Variants in TXNRD1 observed in about 807,000 individuals in gnomAD.
TXNRD1 encodes thioredoxin reductase 1, cytoplasmic.
Under a neutral mutation model 80.3 loss-of-function variants are expected in TXNRD1, and 57 were observed. The observed-to-expected ratio is 0.71, with a 90% CI of 0.57 to 0.89. TXNRD1 has a LOEUF of 0.89. Ranked by LOEUF, TXNRD1 falls within the 40% of genes least tolerant of loss-of-function variation. The pLI is 0.00. For synonymous variants in TXNRD1, 291 were observed against 285.2 expected (o/e 1.02, Z -0.20); for missense variants, 730 against 803.0 (o/e 0.91, Z 1.10).
chr12:104,230,696 G>T (rs957247926), intron 1 of TXNRD1, among the ~76,000 whole-genome samples: 2 of 152,132 alleles, frequency 1.3e-5, no homozygotes, highest in Non-Finnish European at 2.9e-5. Flanking sequence ...AGTTTAATAG[G>T]CAAGAAAGAA....
rs35994527 is a variant in TXNRD1, at chr12:104,271,869, C to CAA, written c.304+13802_304+13803dup. On this transcript the variant is annotated intron_variant, in intron 3 of 16. Coordinates refer to ENST00000525566, the MANE Select transcript of TXNRD1 (RefSeq NM_001093771.3). ...TGAGCAACAGAGCGAGACTCCATCT[C>CAA]AAAAAAAAAAAAAGTAGAAGAAAGA... 6.1e-3 allele frequency among the ~76,000 whole-genome samples: 849 copies of CAA among 138,108 alleles called. 6 individuals are homozygous for CAA. Among genetic ancestry groups the CAA allele is most frequent in the African/African-American group, 0.02 (724 of 36,274 alleles). 90.6% of individuals were successfully genotyped at this position (138,108 alleles called of 152,430 possible). A position where few individuals can be genotyped will look rare whatever the true frequency, so the allele number is the denominator to read the frequency against.
intron 10 of TXNRD1, among the ~76,000 whole-genome samples, chr12:104,323,890 C>G (rs1476084310): frequency 6.6e-6 from 1 of 152,144 alleles, no homozygotes; most frequent in Non-Finnish European, 1.5e-5. Flanking sequence ...TTTTGAAAAC[C>G]TGGTGGACTA....
chr12:104,307,789 G>A (rs1351763217), intron 4 of TXNRD1, among the ~76,000 whole-genome samples: 1 of 152,146 alleles, frequency 6.6e-6, no homozygotes, highest in Non-Finnish European at 1.5e-5. Context: ...TGTTTTACTA[G>A]GAGTGGGTCT....
At chr12:104,311,229 A>C (rs1442790327) in intron 4 of TXNRD1, 61 bp from the exon 5 acceptor site, 1 of 1,485,810 alleles carries the variant, frequency 6.7e-7, no homozygotes, top group African/African-American at 1.4e-5. Context: ...TTTCTTACAA[A>C]GCTTTTTGGA....
chr12:104,343,842 G>A (rs980716142), intron 16 of TXNRD1, among the ~76,000 whole-genome samples: 13 of 148,818 alleles, frequency 8.7e-5, no homozygotes, highest in Admixed American at 4.7e-4. Context: ...AGTGGCTCAC[G>A]CCTGTAATCC....
rs547593942 is a variant in TXNRD1, at chr12:104,228,742, C to T, written c.91+12849C>T. 1.7e-3 allele frequency among the ~76,000 whole-genome samples: 252 copies of T among 151,872 alleles called. 1 individual carries two copies. Among genetic ancestry groups the T allele is most frequent in the African/African-American group, 5.5e-3 (229 of 41,454 alleles). ...ATTTTCTTTTCTTTTTTTTTTGAGA[C>T]GGAGTCTCGCTCTGTTGCCCAGGCT... is the stretch of plus-strand genomic sequence containing the variant. On this transcript the variant is annotated intron_variant, in intron 1 of 16. Coordinates refer to ENST00000525566, the MANE Select transcript of TXNRD1 (RefSeq NM_001093771.3).
intron 3 of TXNRD1, among the ~76,000 whole-genome samples, chr12:104,274,757 C>A (rs1180889020): frequency 6.6e-6 from 1 of 151,804 alleles, no homozygotes; most frequent in East Asian, 1.9e-4. Context: ...GCACTTCTTT[C>A]ATCTTAGGTT....
At chr12:104,303,536 G>A (rs1214144623) in intron 4 of TXNRD1, among the ~76,000 whole-genome samples, 1 of 152,248 alleles carries the variant, frequency 6.6e-6, no homozygotes, top group Non-Finnish European at 1.5e-5. Flanking sequence ...GATCCAGTCG[G>A]TAAACGCTTT....
chr12:104,245,939 C>G (rs1439261722), intron 1 of TXNRD1, among the ~76,000 whole-genome samples: 1 of 151,532 alleles, frequency 6.6e-6, no homozygotes, highest in Admixed American at 6.6e-5. Flanking sequence ...GAAACCCCGT[C>G]TCTACTAAAC....
At position 104,278,497 on chromosome 12, in the gene TXNRD1, C is replaced by G. The variant is rs539029001; in HGVS notation, c.305-10434C>G. 4.8e-5 allele frequency among the ~76,000 whole-genome samples: 5 copies of G among 103,982 alleles called. No homozygotes were observed. The East Asian group carries it at 1.5e-3, about 32-fold the overall frequency. 68.2% of individuals were successfully genotyped at this position (103,982 alleles called of 152,430 possible). ...TACAGGCTTGAGCCATTGCGCCCAG[C>G]CTAATTTTTTTTTTTTTTTTTTGAG... On this transcript the variant is annotated intron_variant, in intron 3 of 16. Coordinates refer to ENST00000525566, the MANE Select transcript of TXNRD1 (RefSeq NM_001093771.3).
rs1831291233 is a variant in TXNRD1, at chr12:104,348,487, G to A, written c.*66G>A. 5.8e-6 allele frequency: 9 copies of A among 1,549,650 alleles called. No individual in the cohort carries two copies. The highest frequency in any genetic ancestry group is 8.0e-6 in the Non-Finnish European group (9 of 1,123,304). Reference sequence around the variant, plus strand: ...GCTCGTTTCCGTGCCCAAATCCAAGGCGAAGTTTTCTAGAGGGTTCTTGGG... The same window carrying A: ...GCTCGTTTCCGTGCCCAAATCCAAGACGAAGTTTTCTAGAGGGTTCTTGGG... On this transcript the variant is annotated 3_prime_UTR_variant, in exon 17 of 17. Transcript: ENST00000525566.
intron 4 of TXNRD1, among the ~76,000 whole-genome samples, chr12:104,293,248 G>A (rs1015403095): frequency 2.0e-4 from 30 of 152,208 alleles, no homozygotes; most frequent in South Asian, 8.3e-4. Flanking sequence ...AATACCAAGT[G>A]TCAGACATAG....
chr12:104,243,469 G>C (rs2032918440), intron 1 of TXNRD1, among the ~76,000 whole-genome samples: 1 of 152,138 alleles, frequency 6.6e-6, no homozygotes, highest in South Asian at 2.1e-4. Flanking sequence ...ATGGGGTCTT[G>C]TCAGACCCAA....
intron 1 of TXNRD1, among the ~76,000 whole-genome samples, chr12:104,219,000 G>C (rs766029499): frequency 6.6e-6 from 1 of 152,218 alleles, no homozygotes; most frequent in Non-Finnish European, 1.5e-5. Flanking sequence ...TTAGAGTGCA[G>C]TGGCATGAAT....
intron 4 of TXNRD1, among the ~76,000 whole-genome samples, chr12:104,305,552 G>A (rs1810556579): frequency 6.6e-6 from 1 of 152,150 alleles, no homozygotes; most frequent in South Asian, 2.1e-4. Context: ...GTAGAAACAC[G>A]AAGAAGGAAA....
At position 104,313,253 on chromosome 12, in the gene TXNRD1, C is replaced by T. The variant is rs755296672; in HGVS notation, c.546C>T (p.Ala182=). 2 of 1,584,702 alleles carry T rather than the reference C, an allele frequency of 1.3e-6. No homozygotes were observed. Among genetic ancestry groups the T allele is most frequent in the Non-Finnish European group, 1.7e-6 (2 of 1,163,772 alleles). ...ATAATTTTATTTTCCAGGAGGCAGC[C>T]CAATATGGCAAGAAGGTGATGGTCC... ...SGGLAAAKEA[A]QYGKKVMVLD... The change falls in exon 6 of 17, where the codon GCC becomes GCT. Residue 182 remains alanine, a synonymous_variant. Coordinates refer to ENST00000525566, the MANE Select transcript of TXNRD1 (RefSeq NM_001093771.3).
In TXNRD1 at chr12:104,339,247, A is replaced by T; in HGVS notation, c.1855A>T (p.Ile619Phe). 6.2e-7 allele frequency: 1 copy of T among 1,613,980 alleles called. No homozygotes were observed. Among genetic ancestry groups the T allele is most frequent in the Non-Finnish European group, 8.5e-7 (1 of 1,179,876 alleles). Reference protein sequence around the residue: ...GLTKKQLDSTIGIHPVCAEVF... With the variant: ...GLTKKQLDSTFGIHPVCAEVF... ...GACCAAAAAGCAGCTGGACAGCACA[A>T]TTGGAATCCACCCTGTCTGTGCAGA... The change falls in exon 16 of 17, where the codon ATT (isoleucine) becomes TTT (phenylalanine). Residue 619 changes from isoleucine (I) to phenylalanine (F), a missense_variant. Ile to Phe is a conservative substitution (Grantham distance 21). Transcript: ENST00000525566.
In TXNRD1 at chr12:104,302,486, C is replaced by CTTTTTTTTTT. The variant is rs772202256; in HGVS notation, c.415-8792_415-8783dup. Among the ~76,000 whole-genome samples the CTTTTTTTTTT allele has an allele frequency of 1.8e-3, 141 of 76,218 alleles. 10 individuals are homozygous for CTTTTTTTTTT. The highest frequency in any genetic ancestry group is 4.0e-3 in the African/African-American group (70 of 17,286). 50.0% of individuals were successfully genotyped at this position (76,218 alleles called of 152,430 possible). On this transcript the variant is annotated intron_variant, in intron 4 of 16. Transcript: ENST00000525566. ...TTTAAAAACCAGATGTATTCATTCC[C>CTTTTTTTTTT]TTTTTTTTTTTTTTTTTTTTTGAGA...
At chr12:104,223,643 C>T (rs1007291280) in intron 1 of TXNRD1, among the ~76,000 whole-genome samples, 3 of 152,122 alleles carry the variant, frequency 2.0e-5, no homozygotes, top group Admixed American at 2.0e-4. Context: ...AAATCCTTAC[C>T]TGTGGGAAGG....
Sources: allele counts gnomAD v4.1 joint callset (sites outside exome capture counted in the v4.1 genomes callset), GRCh38; gene constraint gnomAD v4.1.1; transcripts MANE v1.5; gene names NCBI Gene and HGNC (gene_info 2026-07-23, HGNC 2026-07-21).